The following DENND2B variants were observed in gnomAD, a reference collection of about 807,000 sequenced individuals.
DENND2B encodes the protein DENN domain containing 2B.
DENND2B carries 32 observed loss-of-function variants against 116.0 expected under a neutral mutation model. The observed-to-expected ratio is 0.28, with a 90% CI of 0.21 to 0.37. The LOEUF (loss-of-function observed/expected upper bound fraction) is 0.37, where lower values mean the gene tolerates loss of function less well. Ranked by LOEUF, DENND2B falls within the 10% of genes least tolerant of loss-of-function variation. The pLI is 1.00. For synonymous variants in DENND2B, 588 were observed against 583.9 expected, an observed-to-expected ratio of 1.01 and a Z score of -0.10; for missense variants, 1,276 against 1,477.7, an observed-to-expected ratio of 0.86 and a Z score of 2.24.
chr11:8,806,266 C>T (rs915741038), intron 1 of DENND2B, among the ~76,000 whole-genome samples: 3 of 152,158 alleles, frequency 2.0e-5, no homozygotes, highest in Non-Finnish European at 2.9e-5. Context: ...CAGTCCATCT[C>T]CAGCTCACAC....
intron 1 of DENND2B, among the ~76,000 whole-genome samples, chr11:8,883,972 A>C (rs1010891577): frequency 2.0e-5 from 3 of 152,222 alleles, no homozygotes; most frequent in African/African-American, 7.2e-5. Flanking sequence ...CATTCTTTCC[A>C]GTACTGCCCT....
intron 1 of DENND2B, among the ~76,000 whole-genome samples, chr11:8,781,476 T>A (rs1183355687): frequency 1.3e-5 from 2 of 152,254 alleles, no homozygotes; most frequent in South Asian, 2.1e-4. Context: ...GAAGGGGCAA[T>A]ACCACTTTTT....
At chr11:8,867,204 C>T (rs906122306) in intron 2 of DENND2B, among the ~76,000 whole-genome samples, 10 of 152,128 alleles carry the variant, frequency 6.6e-5, no homozygotes, top group East Asian at 3.8e-4. Context: ...GTATTCAAAG[C>T]GGCAGACTAA....
intron 1 of DENND2B, among the ~76,000 whole-genome samples, chr11:8,908,375 GGTAA>G (rs768300670): frequency 1.3e-5 from 2 of 152,112 alleles, no homozygotes; most frequent in Non-Finnish European, 2.9e-5. Flanking sequence ...TATGATACTG[GGTAA>G]GTGAGAGCAT....
At chr11:8,783,601 G>A (rs887051511) in intron 1 of DENND2B, among the ~76,000 whole-genome samples, 2 of 152,208 alleles carry the variant, frequency 1.3e-5, no homozygotes, top group Non-Finnish European at 2.9e-5. Flanking sequence ...AGGGGATTAT[G>A]TGACTTTTAC....
intron 1 of DENND2B, among the ~76,000 whole-genome samples, chr11:8,889,392 G>A (rs2063998965): frequency 6.6e-6 from 1 of 152,194 alleles, no homozygotes; most frequent in Non-Finnish European, 1.5e-5. Flanking sequence ...GTCAGACAGT[G>A]GGTGCAGTAC....
intron 3 of DENND2B, among the ~76,000 whole-genome samples, chr11:8,856,271 G>T (rs1208105885): frequency 6.6e-6 from 1 of 152,112 alleles, no homozygotes; most frequent in Non-Finnish European, 1.5e-5. Context: ...AATGATCCAG[G>T]ATTTTTTTCT....
chr11:8,871,104 G>C (rs954045502), intron 1 of DENND2B: 2 of 152,396 alleles, frequency 1.3e-5, no homozygotes, highest in African/African-American at 2.4e-5. Flanking sequence ...GGGAGAGAGA[G>C]GGGAGGGAGC....
intron 2 of DENND2B, among the ~76,000 whole-genome samples, chr11:8,740,176 G>A (rs1479453349): frequency 6.7e-6 from 1 of 149,094 alleles, no homozygotes; most frequent in African/African-American, 2.5e-5. Context: ...GCAACAAAGT[G>A]AGATCCTGTC....
At chr11:8,715,054 A>G (rs995477259) in intron 6 of DENND2B, among the ~76,000 whole-genome samples, 5 of 152,224 alleles carry the variant, frequency 3.3e-5, no homozygotes, top group East Asian at 1.9e-4. Flanking sequence ...CTGAGATGCA[A>G]TAACAGGAAC....
chr11:8,714,093 T>G (rs1161560621), intron 7 of DENND2B, 51 bp from the exon 8 acceptor site: 2 of 1,598,030 alleles, frequency 1.3e-6, no homozygotes, highest in Non-Finnish European at 1.7e-6. Context: ...CAGCCAATGT[T>G]TTTTGCTCCC....
intron 2 of DENND2B, among the ~76,000 whole-genome samples, chr11:8,858,200 A>G (rs1352675089): frequency 1.3e-5 from 2 of 152,208 alleles, no homozygotes; most frequent in Non-Finnish European, 2.9e-5. Flanking sequence ...TGCAAAAGAT[A>G]CCATTTAGTC....
Position 8,726,076 on chromosome 11 carries a change from C to T in DENND2B, c.1474G>A (p.Val492Met), listed in dbSNP as rs2047041035. The change falls in exon 4 of 20, where the codon GTG (valine) becomes ATG (methionine). Residue 492 changes from valine to methionine, a missense_variant. Val to Met is a conservative substitution (Grantham distance 21). Transcript: ENST00000313726. Reference protein sequence around the residue: ...TLEENAYEDIVGDLPKENPYE... With the variant: ...TLEENAYEDIMGDLPKENPYE... ...TGCCACCTCTGCCATTGCTTACCCACAATATCTTCATAGGCATTTTCTTCT... is the reference window on the plus strand; with the variant it reads ...TGCCACCTCTGCCATTGCTTACCCATAATATCTTCATAGGCATTTTCTTCT... 3 of 1,614,004 alleles carry T rather than the reference C, an allele frequency of 1.9e-6. No individual in the cohort carries two copies. Among genetic ancestry groups the T allele is most frequent in the African/African-American group, 1.3e-5 (1 of 74,926 alleles).
chr11:8,895,975 G>C (rs2064096742), intron 1 of DENND2B, among the ~76,000 whole-genome samples: 1 of 152,038 alleles, frequency 6.6e-6, no homozygotes, highest in Non-Finnish European at 1.5e-5. Flanking sequence ...AAAATGTGGA[G>C]GGTATGGTAT....
At chr11:8,843,965 T>C (rs868374899) in intron 3 of DENND2B, among the ~76,000 whole-genome samples, 2 of 152,252 alleles carry the variant, frequency 1.3e-5, no homozygotes, top group South Asian at 2.1e-4. Flanking sequence ...ATCTGTATCA[T>C]ACTCCATTGT....
At chr11:8,834,825 G>A (rs993347610) in intron 4 of DENND2B, among the ~76,000 whole-genome samples, 1 of 152,154 alleles carries the variant, frequency 6.6e-6, no homozygotes, top group Non-Finnish European at 1.5e-5. Context: ...ACCAGACATG[G>A]TAGCCAGATG....
At chr11:8,866,747 G>C (rs1231668068) in intron 2 of DENND2B, among the ~76,000 whole-genome samples, 3 of 152,108 alleles carry the variant, frequency 2.0e-5, no homozygotes, top group Non-Finnish European at 4.4e-5. Context: ...AAATGGCAAA[G>C]CTGGAACTTT....
chr11:8,711,285 T>C (rs2043625417), intron 9 of DENND2B, 54 bp from the exon 10 acceptor site: 2 of 1,544,232 alleles, frequency 1.3e-6, no homozygotes, highest in Non-Finnish European at 1.8e-6. Context: ...CGGGTGGTGG[T>C]GGCTGAGAAG....
chr11:8,695,787 C>T (rs2040249086), intron 18 of DENND2B: 1 of 549,372 alleles, frequency 1.8e-6, no homozygotes, highest in South Asian at 2.1e-5. Flanking sequence ...TCCCAAGCTG[C>T]ACTAGGTGAG....
Sources: gnomAD v4.1 joint callset for allele counts (sites outside exome capture counted in the v4.1 genomes callset) on GRCh38, gnomAD v4.1.1 for gene constraint, MANE v1.5 for transcripts, NCBI Gene and HGNC (gene_info 2026-07-23, HGNC 2026-07-21) for gene names.